RNF167: variants seen among roughly 807,000 people sequenced by gnomAD.
RNF167 encodes E3 ubiquitin-protein ligase RNF167.
A neutral mutation model predicts 34.8 loss-of-function variants in RNF167; 19 were observed. The ratio of observed to expected loss-of-function variants is 0.55; its 90% CI spans 0.38 to 0.80. The LOEUF (loss-of-function observed/expected upper bound fraction) is 0.80, where lower values mean the gene tolerates loss of function less well. Ranked by LOEUF, RNF167 falls within the 30% of genes least tolerant of loss-of-function variation. RNF167 has a pLI of 0.00. For missense variants in RNF167, 464 were observed against 447.0 expected, an observed-to-expected ratio of 1.04 and a Z score of -0.34; for synonymous variants, 200 against 170.4, an observed-to-expected ratio of 1.17 and a Z score of -1.35.
intron 8 of RNF167, among the ~76,000 whole-genome samples, chr17:4,944,094 G>C (rs1274353898): frequency 6.6e-6 from 1 of 152,226 alleles, no homozygotes; most frequent in South Asian, 2.1e-4. Context: ...GACGGGAGAG[G>C]AGATGGAAAG....
chr17:4,942,825 C>T lies in RNF167; in HGVS notation c.380-26C>T. ...GATTTGAGTAGAAGGTTGTGAGTCC[C>T]CAGAGTAACACCTTGATCCCTGCAG... is the stretch of plus-strand genomic sequence containing the variant. On this transcript the variant is annotated intron_variant, in intron 5 of 9. Transcript: ENST00000262482. 3 of 1,610,846 alleles carry T rather than the reference C, an allele frequency of 1.9e-6. No individual in the cohort carries two copies. In the South Asian group the frequency reaches 3.3e-5, roughly 18 times the overall value.
At chr17:4,943,039 G>A in intron 6 of RNF167, 98 bp downstream of exon 6, 1 of 1,335,840 alleles carries the variant, frequency 7.5e-7, no homozygotes, top group Non-Finnish European at 1.1e-6. Flanking sequence ...TCAGCCTCCT[G>A]TCCTTCCTTC....
intron 8 of RNF167, among the ~76,000 whole-genome samples, chr17:4,943,956 T>C (rs763817368): frequency 6.6e-6 from 1 of 152,130 alleles, no homozygotes; most frequent in Non-Finnish European, 1.5e-5. Flanking sequence ...TGCACCACTG[T>C]GCTCCAGCCT....
intron 8 of RNF167, among the ~76,000 whole-genome samples, chr17:4,944,175 A>G (rs1971135429): frequency 6.6e-6 from 1 of 152,252 alleles, no homozygotes; most frequent in Non-Finnish European, 1.5e-5. Flanking sequence ...GGATGTGGAC[A>G]GAGCAGAAAA....
Position 4,940,837 on chromosome 17 carries a change from A to G in RNF167, c.-73A>G, listed in dbSNP as rs1970719069. 7.3e-7 allele frequency: 1 copy of G among 1,377,670 alleles called. No individual in the cohort carries two copies. Among genetic ancestry groups the G allele is most frequent in the African/African-American group, 1.5e-5 (1 of 68,694 alleles). The allele number at this position is 1,377,670 out of a possible 1,614,324, so 85.3% of individuals were successfully genotyped here. On this transcript the variant is annotated 5_prime_UTR_variant, in exon 2 of 10. Coordinates refer to ENST00000262482, the MANE Select transcript of RNF167 (RefSeq NM_015528.3). ...CTGGGATCCTAAAGGAGGGGCAGGG[A>G]GGGCGCAGAACTCCGCTTCTGCTCC... is the stretch of plus-strand genomic sequence containing the variant.
At chr17:4,943,809 T>C (rs911344185) in intron 8 of RNF167, among the ~76,000 whole-genome samples, 1 of 152,092 alleles carries the variant, frequency 6.6e-6, no homozygotes, top group African/African-American at 2.4e-5. Context: ...GCCTGGGCAA[T>C]GTGGTGAGAC....
At chr17:4,943,738 A>C (rs1023419425) in intron 8 of RNF167, among the ~76,000 whole-genome samples, 1 of 152,100 alleles carries the variant, frequency 6.6e-6, no homozygotes, top group Non-Finnish European at 1.5e-5. Context: ...TAAAACAGAA[A>C]AGTCCCAGCA....
chr17:4,940,378 C>G lies in RNF167; in HGVS notation c.-424+18C>G. On this transcript the variant is annotated intron_variant, in intron 1 of 9. Transcript: ENST00000262482. ...GAGGAGAGGTTTGTAAACTAGGAGG[C>G]TCCGGGTTTCCGGGCACTTTTATTA... 1 of 159,680 alleles carries G rather than the reference C, an allele frequency of 6.3e-6. No homozygotes were observed. The highest frequency in any genetic ancestry group is 1.4e-5 in the Non-Finnish European group (1 of 72,982). 9.9% of individuals were successfully genotyped at this position (159,680 alleles called of 1,614,324 possible).
intron 8 of RNF167, chr17:4,944,331 C>A: frequency 1.9e-6 from 2 of 1,080,780 alleles, no homozygotes; most frequent in Non-Finnish European, 2.4e-6. Context: ...CTATCTCCAC[C>A]CTCACACCTC....
intron 6 of RNF167, 100 bp from the exon 7 acceptor site, chr17:4,943,079 G>C (rs1331960598): frequency 1.5e-6 from 2 of 1,307,386 alleles, no homozygotes; most frequent in Admixed American, 1.9e-5. Context: ...TCCCATTCCT[G>C]TCCCCACCTA....
intron 8 of RNF167, 148 bp from the exon 9 acceptor site, chr17:4,944,410 A>G: frequency 7.2e-7 from 1 of 1,391,124 alleles, no homozygotes; most frequent in Non-Finnish European, 9.3e-7. Context: ...AAATTCTTCC[A>G]TGTTCTGCCC....
At chr17:4,943,995 A>C (rs1186819232) in intron 8 of RNF167, among the ~76,000 whole-genome samples, 2 of 152,188 alleles carry the variant, frequency 1.3e-5, no homozygotes, top group Non-Finnish European at 2.9e-5. Context: ...CTTTCTCAAA[A>C]AAATAATAAT....
intron 3 of RNF167, among the ~76,000 whole-genome samples, chr17:4,941,891 T>G (rs1970845108): frequency 6.6e-6 from 1 of 152,046 alleles, no homozygotes; most frequent in African/African-American, 2.4e-5. Context: ...CACTCCAGCC[T>G]GGGTGACAAA....
intron 5 of RNF167, 23 bp downstream of exon 5, chr17:4,942,687 A>C: frequency 6.2e-7 from 1 of 1,612,320 alleles, no homozygotes; most frequent in East Asian, 2.2e-5. Flanking sequence ...GAATCTATAC[A>C]GCTGGGCTTT....
Position 4,942,177 on chromosome 17 carries a change from G to A in RNF167, c.166-164G>A, listed in dbSNP as rs1970877163. 2.6e-5 allele frequency among the ~76,000 whole-genome samples: 4 copies of A among 152,176 alleles called. No individual in the cohort carries two copies. In the South Asian group the frequency reaches 8.3e-4, roughly 32 times the overall value. ...TTTTATGTCATTGCCTTTTCAAGAG[G>A]CTAAGAGAAGGTTGTGATGGTGGGA... On this transcript the variant is annotated intron_variant, in intron 3 of 9. Coordinates refer to ENST00000262482, the MANE Select transcript of RNF167 (RefSeq NM_015528.3).
At chr17:4,942,693 G>C (rs1023133787) in intron 5 of RNF167, 29 bp downstream of exon 5, 2 of 1,609,732 alleles carry the variant, frequency 1.2e-6, no homozygotes, top group African/African-American at 2.7e-5. Flanking sequence ...ATACAGCTGG[G>C]CTTTCAGTAG....
Position 4,940,757 on chromosome 17 carries a change from C to T in RNF167, c.-153C>T, listed in dbSNP as rs1567654831. 6.6e-6 allele frequency: 4 copies of T among 605,558 alleles called. No individual in the cohort carries two copies. Among genetic ancestry groups the T allele is most frequent in the Non-Finnish European group, 1.1e-5 (4 of 357,892 alleles). 37.5% of individuals were successfully genotyped at this position (605,558 alleles called of 1,614,324 possible). ...ATATCTCATTCTTTGAGTTGGTGTT[C>T]CTTCCCCGGCGCCCCCATGTAGCTG... On this transcript the variant is annotated 5_prime_UTR_variant, in exon 2 of 10. Transcript: ENST00000262482.
chr17:4,943,078 T>C (rs1357229379), intron 6 of RNF167, 101 bp from the exon 7 acceptor site: 22 of 1,302,830 alleles, frequency 1.7e-5, no homozygotes, highest in Non-Finnish European at 2.3e-5. Flanking sequence ...TTCCCATTCC[T>C]GTCCCCACCT....
At position 4,940,613 on chromosome 17, in the gene RNF167, C is replaced by T. The variant is rs1970694621; in HGVS notation, c.-297C>T. 3.0e-6 allele frequency: 1 copy of T among 332,324 alleles called. No individual in the cohort carries two copies. The highest frequency in any genetic ancestry group is 2.1e-5 in the African/African-American group (1 of 47,232). 20.6% of individuals were successfully genotyped at this position (332,324 alleles called of 1,614,324 possible). On this transcript the variant is annotated 5_prime_UTR_variant, in exon 2 of 10. Coordinates refer to ENST00000262482, the MANE Select transcript of RNF167 (RefSeq NM_015528.3). ...GAAGTCCCACCTCCTTGAGCTCCGC[C>T]ACCCTTCCCGAAGTTTTTCTGTCAC...
Sources: allele counts gnomAD v4.1 joint callset (sites outside exome capture counted in the v4.1 genomes callset), GRCh38; gene constraint gnomAD v4.1.1; transcripts MANE v1.5; gene names NCBI Gene and HGNC (gene_info 2026-07-23, HGNC 2026-07-21).